Variants in VCL observed in about 807,000 individuals in gnomAD.
VCL encodes vinculin.
A neutral mutation model predicts 125.7 loss-of-function variants in VCL; 47 were observed. The ratio of observed to expected loss-of-function variants is 0.37; its 90% CI spans 0.30 to 0.48. The LOEUF is 0.48. VCL is among the 20% of genes least tolerant of loss of function. VCL has a pLI of 0.99. For missense variants in VCL, 1,069 were observed against 1,455.5 expected, an observed-to-expected ratio of 0.73 and a Z score of 4.32; for synonymous variants, 458 against 514.6, an observed-to-expected ratio of 0.89 and a Z score of 1.49.
chr10:74,105,512 GTC>G (rs1564533065), intron 16 of VCL, among the ~76,000 whole-genome samples, 159 bp downstream of exon 16: 1 of 152,048 alleles, frequency 6.6e-6, no homozygotes, highest in East Asian at 1.9e-4. Context: ...TTCCATCCAA[GTC>G]TCTGCAGTTA....
At chr10:74,023,870 A>G (rs1028984576) in intron 1 of VCL, among the ~76,000 whole-genome samples, 1 of 152,240 alleles carries the variant, frequency 6.6e-6, no homozygotes, top group Non-Finnish European at 1.5e-5. Flanking sequence ...CATCTCAGCC[A>G]GCATGCTCTG....
rs727505339 is a variant in VCL, at chr10:74,082,478, T to C, written c.808T>C (p.Leu270=). The C allele has an allele frequency of 1.4e-5, 23 of 1,614,186 alleles. No homozygotes were observed. The highest frequency in any genetic ancestry group is 6.6e-5 in the South Asian group (6 of 91,090). Residue 270 remains leucine (L), a synonymous_variant, in exon 7 of 22, where the codon TTG becomes CTG. Transcript: ENST00000211998. ...SKDTEAMKRA[L]ASIDSKLNQA... ...GGACACTGAAGCCATGAAGAGAGCA[T>C]TGGCCTCCATAGACTCCAAACTGAA...
intron 2 of VCL, among the ~76,000 whole-genome samples, chr10:74,060,522 G>A (rs1399236958): frequency 6.6e-6 from 1 of 151,672 alleles, no homozygotes; most frequent in Non-Finnish European, 1.5e-5. Flanking sequence ...TGGGCATAGT[G>A]GCGCATTCCT....
intron 9 of VCL, among the ~76,000 whole-genome samples, chr10:74,089,650 A>G (rs1331434686): frequency 6.6e-6 from 1 of 152,218 alleles, no homozygotes; most frequent in East Asian, 1.9e-4. Context: ...TTGTCCCAGA[A>G]TTCACAACTC....
chr10:74,017,215 T>C (rs1840562428), intron 1 of VCL, among the ~76,000 whole-genome samples: 2 of 150,388 alleles, frequency 1.3e-5, no homozygotes, highest in South Asian at 4.2e-4. Flanking sequence ...GCCCGGCTAA[T>C]TTTTTGTATT....
chr10:74,118,488 T>G lies in VCL; in HGVS notation c.*319T>G, dbSNP rs535835231. ...ATCCAAGTGAACACTAGCCAGACAC[T>G]CTGCTCTGCCCTTGTTCCCTAGGGG... On this transcript the variant is annotated 3_prime_UTR_variant, in exon 22 of 22. Transcript: ENST00000211998. 1 of 399,412 alleles carries G rather than the reference T, an allele frequency of 2.5e-6. No individual in the cohort carries two copies. The highest frequency in any genetic ancestry group is 3.6e-5 in the Admixed American group (1 of 27,878). 24.7% of individuals were successfully genotyped at this position (399,412 alleles called of 1,614,324 possible). A position where few individuals can be genotyped will look rare whatever the true frequency, so the allele number is the denominator to read the frequency against.
intron 1 of VCL, chr10:74,027,566 C>G (rs990261847): frequency 3.6e-5 from 5 of 140,804 alleles, no homozygotes; most frequent in African/African-American, 1.3e-4. Flanking sequence ...GAGGCTGAGG[C>G]AGGAGAATCG....
intron 18 of VCL, 126 bp from the exon 19 acceptor site, chr10:74,111,783 G>A: frequency 8.0e-7 from 1 of 1,253,552 alleles, no homozygotes; most frequent in Non-Finnish European, 1.1e-6. Context: ...AAGGCTCCTA[G>A]AGAACATGTT....
chr10:74,022,750 C>T (rs1840697283), intron 1 of VCL, among the ~76,000 whole-genome samples: 1 of 151,586 alleles, frequency 6.6e-6, no homozygotes, highest in South Asian at 2.1e-4. Context: ...AATTCTCCTG[C>T]CTCAGCCTCC....
At chr10:74,023,695 G>A (rs575516255) in intron 1 of VCL, among the ~76,000 whole-genome samples, 1 of 152,274 alleles carries the variant, frequency 6.6e-6, no homozygotes, top group East Asian at 1.9e-4. Flanking sequence ...GAAACAAAAG[G>A]AAATGAAGTT....
Position 74,118,151 on chromosome 10 carries a change from G to A in VCL, c.3387G>A (p.Lys1129=). ...GATTTACACTGCGCTGGGTTAGAAA[G>A]ACTCCCTGGTACCAGTAGGCACCTG... ...DAGFTLRWVR[K]TPWYQ Residue 1129 remains lysine (K), a synonymous_variant, in exon 22 of 22, where the codon AAG becomes AAA. Coordinates refer to ENST00000211998, the MANE Select transcript of VCL (RefSeq NM_014000.3). 6.2e-7 allele frequency: 1 copy of A among 1,614,122 alleles called. No individual in the cohort carries two copies. The highest frequency in any genetic ancestry group is 8.5e-7 in the Non-Finnish European group (1 of 1,180,022).
Position 74,074,867 on chromosome 10 carries a change from A to C in VCL, c.747A>C (p.Gln249His). ...TTAATGAGATAATTCGTGTGTTACA[A>C]CTCACCTCTTGGGATGAAGATGCCT... is the stretch of plus-strand genomic sequence containing the variant. ...AEINEIIRVLQLTSWDEDAWA... is the reference protein window; with the variant it reads ...AEINEIIRVLHLTSWDEDAWA... Residue 249 changes from glutamine to histidine, a missense_variant, in exon 6 of 22, where the codon CAA (glutamine) becomes CAC (histidine). By Grantham distance (24) the Gln-to-His change is conservative. This residue lies in a region of VCL where 760 missense variants were observed against 928.9 expected (regional missense o/e 0.82). Transcript: ENST00000211998. 6.2e-7 allele frequency: 1 copy of C among 1,614,088 alleles called. No homozygotes were observed. The highest frequency in any genetic ancestry group is 8.5e-7 in the Non-Finnish European group (1 of 1,180,004).
chr10:74,001,545 A>G (rs1356924500), intron 1 of VCL, among the ~76,000 whole-genome samples: 2 of 152,186 alleles, frequency 1.3e-5, no homozygotes, highest in African/African-American at 2.4e-5. Context: ...TGAAGGAACT[A>G]TGGGAAGGGA....
chr10:74,057,960 C>T (rs1037085821), intron 2 of VCL, among the ~76,000 whole-genome samples: 1 of 152,108 alleles, frequency 6.6e-6, no homozygotes, highest in African/African-American at 2.4e-5. Context: ...CTTAAATAGA[C>T]CACCATTTTT....
chr10:74,087,513 A>ATTT (rs1167937127), intron 8 of VCL, among the ~76,000 whole-genome samples: 5 of 123,074 alleles, frequency 4.1e-5, no homozygotes, highest in Admixed American at 8.3e-5. Flanking sequence ...CGCCTGGCTA[A>ATTT]TTTTTTTTTT....
At chr10:74,049,285 A>G (rs548330252) in intron 2 of VCL, among the ~76,000 whole-genome samples, 124 of 152,278 alleles carry the variant, frequency 8.1e-4, no homozygotes, top group African/African-American at 2.8e-3. Flanking sequence ...AACTACAGCT[A>G]TTGTGGCTGG....
At chr10:74,028,419 A>G (rs1840813629) in intron 1 of VCL, among the ~76,000 whole-genome samples, 2 of 136,286 alleles carry the variant, frequency 1.5e-5, no homozygotes, top group South Asian at 2.3e-4. Flanking sequence ...TTTTTGAGAC[A>G]GGGTTTCGCT....
chr10:74,074,404 G>A (rs1839543636), intron 5 of VCL, among the ~76,000 whole-genome samples: 1 of 152,170 alleles, frequency 6.6e-6, no homozygotes, highest in Non-Finnish European at 1.5e-5. Flanking sequence ...CATTAGGTTT[G>A]TAGTAGATGG....
At chr10:74,104,038 A>G in intron 15 of VCL, 110 bp downstream of exon 15, 1 of 1,107,882 alleles carries the variant, frequency 9.0e-7, no homozygotes, top group Admixed American at 1.9e-5. Flanking sequence ...AGGGCCGGTC[A>G]CGTGCTGAGC....
Sources: gnomAD v4.1 joint callset for allele counts (sites outside exome capture counted in the v4.1 genomes callset) on GRCh38, gnomAD v4.1.1 for gene constraint, gnomAD v4.1.1 regional missense constraint, MANE v1.5 for transcripts, NCBI Gene and HGNC (gene_info 2026-07-23, HGNC 2026-07-21) for gene names.